The following HFM1 variants were observed in gnomAD, a reference collection of about 807,000 sequenced individuals.
HFM1 encodes the protein helicase for meiosis 1.
Under a neutral mutation model 192.1 loss-of-function variants are expected in HFM1, and 169 were observed. The observed-to-expected ratio is 0.88, with a 90% CI of 0.78 to 1.00. The LOEUF (loss-of-function observed/expected upper bound fraction) is 1.00. Among genes scored for constraint, HFM1 ranks in the 50% least tolerant of loss-of-function variants. The pLI, the probability that HFM1 is intolerant of heterozygous loss-of-function variation, is 0.00. For missense variants in HFM1, 1,661 were observed against 1,668.0 expected (o/e 1.00, Z 0.07); for synonymous variants, 525 against 537.8 (o/e 0.98, Z 0.33).
chr1:91,343,317 G>T, intron 20 of HFM1, 113 bp downstream of exon 20: 4 of 454,418 alleles, frequency 8.8e-6, no homozygotes, highest in Non-Finnish European at 1.6e-5. Context: ...ATACCCTGTT[G>T]AGAACTGAGA....
At chr1:91,352,448 C>T (rs544264370) in intron 16 of HFM1, 58 bp downstream of exon 16, 18 of 1,321,844 alleles carry the variant, frequency 1.4e-5, no homozygotes, top group East Asian at 2.5e-5. Context: ...AAAAAATACA[C>T]AATTTTTTTG....
rs1168642040 is a variant in HFM1, at chr1:91,328,530, G to C, written c.2336-3764C>G. On this transcript the variant is annotated intron_variant, in intron 20 of 38. Coordinates refer to ENST00000370425, the MANE Select transcript of HFM1 (RefSeq NM_001017975.6). ...TCCTGATTGCTGTTCGCCAGGGTGG[G>C]GATGTGCTGCAGAACGAGGAGGGTG... 3 of 1,612,964 alleles carry C rather than the reference G, an allele frequency of 1.9e-6. No homozygotes were observed. The Admixed American group carries it at 5.0e-5, about 27-fold the overall frequency.
intron 4 of HFM1, among the ~76,000 whole-genome samples, chr1:91,387,258 T>A (rs1482993587): frequency 1.3e-5 from 2 of 152,032 alleles, no homozygotes; most frequent in African/African-American, 4.8e-5. Context: ...GGGTGAACAA[T>A]CCAACGCTTG....
At chr1:91,274,654 C>T in intron 33 of HFM1, 76 bp downstream of exon 33, 1 of 684,966 alleles carries the variant, frequency 1.5e-6, no homozygotes, top group Non-Finnish European at 2.5e-6. Flanking sequence ...ACTATCTTTC[C>T]CTGAATAAGT....
intron 24 of HFM1, 22 bp from the exon 25 acceptor site, chr1:91,319,231 T>G (rs1651710881): frequency 6.2e-7 from 1 of 1,604,796 alleles, no homozygotes. Context: ...GTTTCCAGTA[T>G]TAAATCTAAT....
chr1:91,274,984 C>CA (rs1666673439), intron 32 of HFM1, among the ~76,000 whole-genome samples, 175 bp from the exon 33 acceptor site: 1 of 94,842 alleles, frequency 1.1e-5, no homozygotes, highest in African/African-American at 4.3e-5. Context: ...TAAATGTTGG[C>CA]ATTTTTTTTT....
intron 30 of HFM1, among the ~76,000 whole-genome samples, chr1:91,312,301 CAG>C (rs1193260287): frequency 6.6e-6 from 1 of 152,104 alleles, no homozygotes; most frequent in Non-Finnish European, 1.5e-5. Context: ...GGAAAAGCTG[CAG>C]ACACTCAACA....
At position 91,319,348 on chromosome 1, in the gene HFM1, A is replaced by C. The variant is rs779840431; in HGVS notation, c.2625T>G (p.Phe875Leu). The change falls in exon 24 of 39, where the codon TTT (phenylalanine) becomes TTG (leucine). Residue 875 changes from phenylalanine to leucine, a missense_variant. Coordinates refer to ENST00000370425, the MANE Select transcript of HFM1 (RefSeq NM_001017975.6). ...TCTTTGCGGTATCTTGTGTCAAAGC[A>C]AAATCTTGTATGGGAATGCATCCTA... Reference protein sequence around the residue: ...AQLGCIPIQDFALTQDTAKIF... With the variant: ...AQLGCIPIQDLALTQDTAKIF... The C allele has an allele frequency of 6.2e-7, 1 of 1,613,088 alleles. No homozygotes were observed. The highest frequency in any genetic ancestry group is 2.2e-5 in the East Asian group (1 of 44,826).
At chr1:91,328,091 T>G (rs1323124412) in intron 20 of HFM1, among the ~76,000 whole-genome samples, 1 of 151,640 alleles carries the variant, frequency 6.6e-6, no homozygotes, top group Admixed American at 6.6e-5. Flanking sequence ...AAACACAAAA[T>G]TAGTAGAAGA....
intron 2 of HFM1, among the ~76,000 whole-genome samples, chr1:91,399,960 G>A (rs949132429): frequency 1.1e-4 from 16 of 152,166 alleles, no homozygotes; most frequent in African/African-American, 3.9e-4. Flanking sequence ...AAGTGTCACA[G>A]TATAGATGAT....
At chr1:91,325,012 A>C (rs1265117164) in intron 20 of HFM1, among the ~76,000 whole-genome samples, 1 of 152,168 alleles carries the variant, frequency 6.6e-6, no homozygotes, top group Non-Finnish European at 1.5e-5. Flanking sequence ...CAGCTTGGCC[A>C]TGGCTGGGTA....
Position 91,319,151 on chromosome 1 carries a change from CA to C in HFM1, c.2738del (p.Leu913Ter), listed in dbSNP as rs1168426196. On this transcript the variant is annotated frameshift_variant, in exon 25 of 39. Coordinates refer to ENST00000370425, the MANE Select transcript of HFM1 (RefSeq NM_001017975.6). LOFTEE classifies it high-confidence loss of function. The stretch of plus-strand genomic sequence containing the variant: ...TACACCTAAAACATTTAGCTAAAAT[CA>C]AACTATTCAATAGTACAGCAAACTT... ...EKKFAVLLNS[L>X]ILAKCFRCKL... 3 of 1,610,408 alleles carry C rather than the reference CA, an allele frequency of 1.9e-6. No homozygotes were observed. In the African/African-American group the frequency reaches 4.0e-5, roughly 22 times the overall value.
At chr1:91,362,030 G>T (rs776928903) in intron 13 of HFM1, among the ~76,000 whole-genome samples, 7 of 152,146 alleles carry the variant, frequency 4.6e-5, no homozygotes, top group Non-Finnish European at 7.4e-5. Context: ...ACTAGGTATT[G>T]AAGGAACATA....
chr1:91,302,601 C>G (rs996883075), intron 30 of HFM1, among the ~76,000 whole-genome samples: 2 of 152,044 alleles, frequency 1.3e-5, no homozygotes, highest in Non-Finnish European at 2.9e-5. Flanking sequence ...TACTATGCAG[C>G]TATAAAAAAT....
In HFM1 at chr1:91,370,327, T is replaced by C. The variant is rs199602862; in HGVS notation, c.1685+5031A>G. On this transcript the variant is annotated intron_variant, in intron 13 of 38. Coordinates refer to ENST00000370425, the MANE Select transcript of HFM1 (RefSeq NM_001017975.6). Reference sequence around the variant, plus strand: ...GACCAATATCCCTGATGAACATCGATGCAAAAATCCTCAATAAAATACTGG... The same window carrying C: ...GACCAATATCCCTGATGAACATCGACGCAAAAATCCTCAATAAAATACTGG... Among the ~76,000 whole-genome samples the C allele has an allele frequency of 6.2e-3, 945 of 152,268 alleles. 41 individuals are homozygous for C. The highest frequency in any genetic ancestry group is 0.054 in the East Asian group (281 of 5,180).
At chr1:91,289,177 C>A (rs1668394799) in intron 30 of HFM1, among the ~76,000 whole-genome samples, 1 of 151,962 alleles carries the variant, frequency 6.6e-6, no homozygotes, top group South Asian at 2.1e-4. Flanking sequence ...TCCTCACCTC[C>A]CAGACGGGGT....
chr1:91,274,001 T>C (rs571246842), intron 33 of HFM1, among the ~76,000 whole-genome samples, 186 bp from the exon 34 acceptor site: 43 of 152,252 alleles, frequency 2.8e-4, no homozygotes, highest in Non-Finnish European at 5.1e-4. Flanking sequence ...TTCCTTTACA[T>C]GCCCTTAGTT....
At chr1:91,296,864 G>A (rs1268522547) in intron 30 of HFM1, among the ~76,000 whole-genome samples, 1 of 152,216 alleles carries the variant, frequency 6.6e-6, no homozygotes, top group Non-Finnish European at 1.5e-5. Context: ...CCCAGCGTGA[G>A]CGATGCAGAA....
At chr1:91,387,249 G>T (rs1662325259) in intron 4 of HFM1, among the ~76,000 whole-genome samples, 1 of 151,966 alleles carries the variant, frequency 6.6e-6, no homozygotes, top group South Asian at 2.1e-4. Context: ...CCTATTAGTG[G>T]GTGAACAATC....
Sources: gnomAD v4.1 joint callset for allele counts (sites outside exome capture counted in the v4.1 genomes callset) on GRCh38, gnomAD v4.1.1 for gene constraint, MANE v1.5 for transcripts, NCBI Gene and HGNC (gene_info 2026-07-23, HGNC 2026-07-21) for gene names.